Variants in MDGA2 observed in about 807,000 individuals in gnomAD.
MDGA2 encodes MAM domain-containing glycosylphosphatidylinositol anchor protein 2.
A neutral mutation model predicts 117.8 loss-of-function variants in MDGA2; 40 were observed. The ratio of observed to expected loss-of-function variants is 0.34; its 90% CI spans 0.26 to 0.44. MDGA2 has a LOEUF of 0.44. MDGA2 is among the 20% of genes least tolerant of loss of function. The pLI, the probability that MDGA2 is intolerant of heterozygous loss-of-function variation, is 1.00. For synonymous variants in MDGA2, 452 were observed against 439.0 expected (o/e 1.03, Z -0.37); for missense variants, 1,123 against 1,250.6 (o/e 0.90, Z 1.54).
At chr14:47,645,116 TTAAGA>T (rs1897501336) in intron 1 of MDGA2, among the ~76,000 whole-genome samples, 1 of 152,200 alleles carries the variant, frequency 6.6e-6, no homozygotes, top group African/African-American at 2.4e-5. Context: ...CTTCTAGAAC[TTAAGA>T]TAACATATTT....
chr14:47,160,648 G>A (rs911687450), intron 3 of MDGA2, among the ~76,000 whole-genome samples: 5 of 152,162 alleles, frequency 3.3e-5, no homozygotes, highest in Admixed American at 3.3e-4. Context: ...CTGGACCACA[G>A]AGCGAGACCT....
At chr14:47,563,679 C>T (rs2138806304) in intron 1 of MDGA2, among the ~76,000 whole-genome samples, 1 of 137,170 alleles carries the variant, frequency 7.3e-6, no homozygotes, top group South Asian at 2.4e-4. Context: ...AGATGGGTCT[C>T]ACATACCACT....
At chr14:47,204,246 G>A (rs1283830310) in intron 3 of MDGA2, among the ~76,000 whole-genome samples, 4 of 151,980 alleles carry the variant, frequency 2.6e-5, no homozygotes, top group Non-Finnish European at 5.9e-5. Flanking sequence ...AAGATATATG[G>A]TAGACAAAGC....
intron 1 of MDGA2, among the ~76,000 whole-genome samples, chr14:47,508,635 G>A (rs768063385): frequency 2.0e-5 from 3 of 152,042 alleles, no homozygotes; most frequent in Non-Finnish European, 4.4e-5. Context: ...GATAAACACA[G>A]ACATGAAAAT....
chr14:47,288,365 T>C (rs1888760737), intron 2 of MDGA2, among the ~76,000 whole-genome samples: 1 of 152,162 alleles, frequency 6.6e-6, no homozygotes, highest in Non-Finnish European at 1.5e-5. Flanking sequence ...TTATTCAAAA[T>C]GGAGAGTTGT....
chr14:47,053,407 A>G (rs1251137867), intron 7 of MDGA2, among the ~76,000 whole-genome samples: 1 of 151,738 alleles, frequency 6.6e-6, no homozygotes, highest in African/African-American at 2.4e-5. Flanking sequence ...AGCTACAACT[A>G]ATCTCAAACC....
intron 1 of MDGA2, among the ~76,000 whole-genome samples, chr14:47,426,478 T>C (rs1892692014): frequency 6.6e-6 from 1 of 151,862 alleles, no homozygotes; most frequent in Admixed American, 6.6e-5. Flanking sequence ...TAACTGTTCG[T>C]TTAACAAAAA....
intron 5 of MDGA2, among the ~76,000 whole-genome samples, chr14:47,125,379 G>A (rs1881849237): frequency 1.3e-5 from 2 of 151,994 alleles, no homozygotes; most frequent in African/African-American, 2.4e-5. Flanking sequence ...AACATGAAGA[G>A]AACTATCATG....
At chr14:47,667,697 C>T (rs1354967559) in intron 1 of MDGA2, among the ~76,000 whole-genome samples, 1 of 152,228 alleles carries the variant, frequency 6.6e-6, no homozygotes, top group Non-Finnish European at 1.5e-5. Flanking sequence ...TTTGTGCTGT[C>T]CATTAAGACT....
chr14:47,595,720 T>C (rs1896530759), intron 1 of MDGA2, among the ~76,000 whole-genome samples: 1 of 152,090 alleles, frequency 6.6e-6, no homozygotes, highest in South Asian at 2.1e-4. Context: ...TAAATGTTTA[T>C]TACCTGGAAT....
At chr14:47,646,390 A>T (rs1201371728) in intron 1 of MDGA2, among the ~76,000 whole-genome samples, 3 of 152,042 alleles carry the variant, frequency 2.0e-5, no homozygotes, top group Non-Finnish European at 4.4e-5. Context: ...ATGCATATAT[A>T]TTATACATAT....
At chr14:47,565,216 T>G (rs1895894419) in intron 1 of MDGA2, among the ~76,000 whole-genome samples, 1 of 152,234 alleles carries the variant, frequency 6.6e-6, no homozygotes, top group Non-Finnish European at 1.5e-5. Flanking sequence ...AGAGTTCTTG[T>G]GCTGGTTCTT....
At chr14:47,558,779 A>T in intron 1 of MDGA2, among the ~76,000 whole-genome samples, 1 of 152,334 alleles carries the variant, frequency 6.6e-6, no homozygotes, top group East Asian at 1.9e-4. Flanking sequence ...GACAATTATA[A>T]TAAAATCTTG....
rs1040473687 is a variant in MDGA2, at chr14:46,884,441, A to G, written c.2239-2220T>C. Among the ~76,000 whole-genome samples the G allele has an allele frequency of 6.6e-5, 10 of 152,138 alleles. No individual in the cohort carries two copies. The highest frequency in any genetic ancestry group is 4.6e-4 in the Admixed American group (7 of 15,260). On this transcript the variant is annotated intron_variant, in intron 10 of 16. Transcript: ENST00000399232. This position sits in a 1 kb window ranked among gnomAD's most constrained non-coding sequence, Gnocchi z 4.1. The stretch of plus-strand genomic sequence containing the variant: ...GTACACACACATACACATATCACAT[A>G]ATATGCACATATGTTCACATATATG...
intron 1 of MDGA2, among the ~76,000 whole-genome samples, chr14:47,376,478 A>G (rs1482704611): frequency 6.6e-6 from 1 of 152,160 alleles, no homozygotes; most frequent in Non-Finnish European, 1.5e-5. Context: ...AAAAACAAAA[A>G]CAACATAAAT....
intron 1 of MDGA2, among the ~76,000 whole-genome samples, chr14:47,353,119 C>T (rs1032209388): frequency 6.6e-6 from 1 of 152,136 alleles, no homozygotes; most frequent in Admixed American, 6.5e-5. Flanking sequence ...AGAGGTGTTA[C>T]TAGCAAGCAT....
intron 15 of MDGA2, among the ~76,000 whole-genome samples, chr14:46,852,902 C>G (rs1467334643): frequency 6.6e-6 from 1 of 151,938 alleles, no homozygotes; most frequent in East Asian, 1.9e-4. Context: ...TATGCAGCAC[C>G]TATCAAGGTA....
At chr14:47,492,219 G>A (rs1302018606) in intron 1 of MDGA2, among the ~76,000 whole-genome samples, 2 of 151,984 alleles carry the variant, frequency 1.3e-5, no homozygotes, top group Admixed American at 1.3e-4. Context: ...AGTTGATTTC[G>A]ATGCAGAATG....
chr14:46,949,457 C>T (rs566686636), intron 9 of MDGA2, among the ~76,000 whole-genome samples: 5 of 152,066 alleles, frequency 3.3e-5, no homozygotes, highest in Admixed American at 6.6e-5. Context: ...ATCCAAATAG[C>T]GAGCATTGAA....
Sources: allele counts gnomAD v4.1 joint callset (sites outside exome capture counted in the v4.1 genomes callset), GRCh38; gene constraint gnomAD v4.1.1; non-coding constraint Gnocchi (gnomAD v3.1); transcripts MANE v1.5; gene names NCBI Gene and HGNC (gene_info 2026-07-23, HGNC 2026-07-21).